The following PDGFC variants were observed in gnomAD, a reference collection of about 807,000 sequenced individuals.
PDGFC encodes the protein platelet-derived growth factor C.
In PDGFC, 12 loss-of-function variants were observed where a neutral mutation model predicts 35.5. That is an observed-to-expected ratio of 0.34 (90% CI 0.22 to 0.55). The LOEUF (loss-of-function observed/expected upper bound fraction) is 0.55. PDGFC is among the 20% of genes least tolerant of loss of function. The probability of loss-of-function intolerance (pLI) is 0.91; values close to 1 mark genes in which losing one functional copy is unlikely to be tolerated. For missense variants in PDGFC, 322 were observed against 412.4 expected, an observed-to-expected ratio of 0.78 and a Z score of 1.90; for synonymous variants, 159 against 148.8, an observed-to-expected ratio of 1.07 and a Z score of -0.50.
chr4:156,901,740 G>A (rs1034421094), intron 1 of PDGFC, among the ~76,000 whole-genome samples: 4 of 151,844 alleles, frequency 2.6e-5, no homozygotes, highest in Non-Finnish European at 5.9e-5. Context: ...CTCGTGCCTC[G>A]GCCTCCTGAG....
At chr4:156,776,335 T>C (rs2110830531) in intron 3 of PDGFC, among the ~76,000 whole-genome samples, 1 of 152,336 alleles carries the variant, frequency 6.6e-6, no homozygotes. Flanking sequence ...ATTTCCTGTT[T>C]ATGTCTTTTA....
At chr4:156,908,429 C>T (rs1730967596) in intron 1 of PDGFC, among the ~76,000 whole-genome samples, 3 of 151,260 alleles carry the variant, frequency 2.0e-5, no homozygotes, top group Non-Finnish European at 4.4e-5. Context: ...CTAGAAATGC[C>T]AAATTAGAAT....
chr4:156,934,479 C>A (rs889408508), intron 1 of PDGFC, among the ~76,000 whole-genome samples: 22 of 152,196 alleles, frequency 1.4e-4, no homozygotes, highest in South Asian at 2.1e-4. Flanking sequence ...GATTTTCAGG[C>A]CTAGCACATT....
chr4:156,925,766 G>A (rs552152756), intron 1 of PDGFC, among the ~76,000 whole-genome samples: 22 of 150,802 alleles, frequency 1.5e-4, no homozygotes, highest in East Asian at 1.2e-3. Context: ...AGAGAGAGAC[G>A]GGGGATGGGC....
chr4:156,937,013 T>C (rs1272985579), intron 1 of PDGFC, among the ~76,000 whole-genome samples: 1 of 152,208 alleles, frequency 6.6e-6, no homozygotes, highest in Non-Finnish European at 1.5e-5. Flanking sequence ...AGATCAGTTT[T>C]GAACATGTCA....
intron 1 of PDGFC, among the ~76,000 whole-genome samples, chr4:156,884,302 GA>G (rs1730323664): frequency 6.6e-6 from 1 of 152,166 alleles, no homozygotes; most frequent in Non-Finnish European, 1.5e-5. Context: ...ACAAGAAACA[GA>G]CCCCATATCC....
intron 2 of PDGFC, 59 bp downstream of exon 2, chr4:156,850,162 C>G (rs941947368): frequency 1.1e-5 from 9 of 851,522 alleles, no homozygotes; most frequent in Non-Finnish European, 1.6e-5. Flanking sequence ...CAAAATTAAG[C>G]AATTTGAAAG....
intron 1 of PDGFC, among the ~76,000 whole-genome samples, chr4:156,941,290 AT>A (rs1731799769): frequency 6.6e-6 from 1 of 152,252 alleles, no homozygotes; most frequent in African/African-American, 2.4e-5. Context: ...GCTATTTAAC[AT>A]TTTTTCCCAT....
At chr4:156,922,155 AGT>A (rs3070262) in intron 1 of PDGFC, among the ~76,000 whole-genome samples, 30,478 of 145,152 alleles carry the variant, frequency 0.21, 3,172 homozygotes, top group South Asian at 0.39. Flanking sequence ...AAGGATTCAT[AGT>A]GTGTGTGTGT....
At chr4:156,926,115 T>C (rs753585294) in intron 1 of PDGFC, among the ~76,000 whole-genome samples, 4 of 148,648 alleles carry the variant, frequency 2.7e-5, no homozygotes, top group Non-Finnish European at 5.9e-5. Flanking sequence ...TATTGACTAA[T>C]GTCAATAATC....
chr4:156,822,284 G>A (rs554026372), intron 2 of PDGFC, among the ~76,000 whole-genome samples: 64 of 150,820 alleles, frequency 4.2e-4, no homozygotes, highest in African/African-American at 1.4e-3. Flanking sequence ...GCGTGAACCC[G>A]GGAGGCGGAG....
chr4:156,856,262 A>T (rs1350978681), intron 1 of PDGFC, among the ~76,000 whole-genome samples: 1 of 152,190 alleles, frequency 6.6e-6, no homozygotes, highest in Non-Finnish European at 1.5e-5. Flanking sequence ...ATTATTTAGA[A>T]TATGTCCAGT....
intron 1 of PDGFC, among the ~76,000 whole-genome samples, chr4:156,866,524 G>C (rs1266262852): frequency 6.6e-6 from 1 of 151,812 alleles, no homozygotes; most frequent in African/African-American, 2.4e-5. Context: ...AGTGGGTGGG[G>C]GGACGTGTGT....
At chr4:156,922,417 G>C (rs529070845) in intron 1 of PDGFC, among the ~76,000 whole-genome samples, 28 of 152,130 alleles carry the variant, frequency 1.8e-4, no homozygotes, top group Non-Finnish European at 3.5e-4. Context: ...CCCAGCTCCA[G>C]CTTACAAGTT....
chr4:156,821,012 A>G (rs1732237993), intron 2 of PDGFC, among the ~76,000 whole-genome samples: 1 of 152,134 alleles, frequency 6.6e-6, no homozygotes, highest in African/African-American at 2.4e-5. Flanking sequence ...GAAGAAACAA[A>G]CGATCCTTAG....
chr4:156,910,056 C>A (rs1445139723), intron 1 of PDGFC, among the ~76,000 whole-genome samples: 2 of 152,128 alleles, frequency 1.3e-5, no homozygotes, highest in East Asian at 3.9e-4. Flanking sequence ...AATTTTTCCT[C>A]AAACTGTGCA....
At chr4:156,811,768 G>A (rs1305721912) in intron 2 of PDGFC, among the ~76,000 whole-genome samples, 1 of 152,054 alleles carries the variant, frequency 6.6e-6, no homozygotes, top group Non-Finnish European at 1.5e-5. Flanking sequence ...TGGATCAGTG[G>A]TGTTCACTGA....
intron 1 of PDGFC, among the ~76,000 whole-genome samples, chr4:156,920,032 T>C (rs936106908): frequency 4.6e-5 from 7 of 152,102 alleles, no homozygotes; most frequent in African/African-American, 1.7e-4. Context: ...CTCCCCTCCA[T>C]CTTGCTCCCC....
intron 1 of PDGFC, among the ~76,000 whole-genome samples, chr4:156,900,901 GAGGA>G (rs1348559358): frequency 7.1e-6 from 1 of 140,096 alleles, no homozygotes; most frequent in Non-Finnish European, 1.6e-5. Flanking sequence ...GGGAAGGAGG[GAGGA>G]AGGGAGGGAG....
Sources: gnomAD v4.1 joint callset for allele counts (sites outside exome capture counted in the v4.1 genomes callset) on GRCh38, gnomAD v4.1.1 for gene constraint, MANE v1.5 for transcripts, NCBI Gene and HGNC (gene_info 2026-07-23, HGNC 2026-07-21) for gene names.